Variants in ACKR1 observed in about 807,000 individuals in gnomAD.
ACKR1 encodes atypical chemokine receptor 1 (Duffy blood group).
In ACKR1, 3 loss-of-function variants were observed where a neutral mutation model predicts 2.5. The ratio of observed to expected loss-of-function variants is 1.18; its 90% CI spans 0.54 to 3.06. The LOEUF (loss-of-function observed/expected upper bound fraction) is 3.06. Ranked by LOEUF, ACKR1 falls within the 30% of genes most tolerant of loss-of-function variation. The pLI is 0.03. For missense variants in ACKR1, 438 were observed against 395.2 expected (o/e 1.11, Z -0.92); for synonymous variants, 208 against 178.2 (o/e 1.17, Z -1.33).
Position 159,205,865 on chromosome 1 carries a change from C to A in ACKR1, c.426C>A (p.Ala142=), listed in dbSNP as rs772038669. 20 of 1,613,932 alleles carry A rather than the reference C, an allele frequency of 1.2e-5. No individual in the cohort carries two copies. Among genetic ancestry groups the A allele is most frequent in the Non-Finnish European group, 1.7e-5 (20 of 1,180,004 alleles). Residue 142 remains alanine (A), a synonymous_variant, in exon 2 of 2, where the codon GCC becomes GCA. Transcript: ENST00000368122. ...GYCVWYGSAF[A]QALLLGCHAS... ...GTGTCTGGTATGGCTCAGCCTTTGC[C>A]CAGGCTTTGCTGCTAGGGTGCCATG...
At chr1:159,205,171 C>A in intron 1 of ACKR1, 191 bp downstream of exon 1, 1 of 731,528 alleles carries the variant, frequency 1.4e-6, no homozygotes, top group Non-Finnish European at 2.2e-6. Context: ...TCTTGTGTCC[C>A]TCCCTTTGCC....
chr1:159,205,154 A>G, intron 1 of ACKR1, 174 bp downstream of exon 1: 1 of 782,986 alleles, frequency 1.3e-6, no homozygotes, highest in Non-Finnish European at 2.0e-6. Flanking sequence ...CTAGCCTCCT[A>G]GCTCCCTCTT....
chr1:159,205,103 T>C, intron 1 of ACKR1, 123 bp downstream of exon 1: 2 of 1,203,872 alleles, frequency 1.7e-6, no homozygotes, highest in South Asian at 1.5e-5. Flanking sequence ...CCTGCTTTTT[T>C]CCTCTTCCTT....
At chr1:159,205,162 C>T in intron 1 of ACKR1, 182 bp downstream of exon 1, 2 of 753,684 alleles carry the variant, frequency 2.7e-6, no homozygotes, top group Non-Finnish European at 4.3e-6. Context: ...CTAGCTCCCT[C>T]TTGTGTCCCT....
chr1:159,205,381 C>T, intron 1 of ACKR1, 80 bp from the exon 2 acceptor site: 1 of 1,534,932 alleles, frequency 6.5e-7, no homozygotes, highest in Non-Finnish European at 8.8e-7. Flanking sequence ...CCTCTCTGTC[C>T]TCCCCTCCCA....
chr1:159,205,595 C>T lies in ACKR1; in HGVS notation c.156C>T (p.His52=), dbSNP rs775399095. 22 of 1,614,140 alleles carry T rather than the reference C, an allele frequency of 1.4e-5. No homozygotes were observed. The highest frequency in any genetic ancestry group is 2.7e-5 in the African/African-American group (2 of 74,948). Residue 52 remains histidine (H), a synonymous_variant, in exon 2 of 2, where the codon CAC becomes CAT. Transcript: ENST00000368122. ...GANLEAAAPC[H]SCNLLDDSAL... ...ACCTGGAAGCAGCTGCCCCCTGCCA[C>T]TCCTGTAACCTGCTGGATGACTCTG...
At position 159,206,273 on chromosome 1, in the gene ACKR1, C is replaced by T. The variant is rs1203103206; in HGVS notation, c.834C>T (p.Ala278=). 1 of 1,614,074 alleles carries T rather than the reference C, an allele frequency of 6.2e-7. No individual in the cohort carries two copies. The highest frequency in any genetic ancestry group is 8.5e-7 in the Non-Finnish European group (1 of 1,180,052). ...TGTTGCTGTTGTCAACATGTCTGGCCCAGCAGGCTCTGGACCTGCTGCTGA... is the reference window on the plus strand; with the variant it reads ...TGTTGCTGTTGTCAACATGTCTGGCTCAGCAGGCTCTGGACCTGCTGCTGA... ...SKLLLLSTCL[A]QQALDLLLNL... Residue 278 remains alanine, a synonymous_variant, in exon 2 of 2, where the codon GCC becomes GCT. Transcript: ENST00000368122.
Position 159,206,181 on chromosome 1 carries a change from G to T in ACKR1, c.742G>T (p.Ala248Ser). ...GPGPWMNILW[A>S]WFIFWWPHGV... ...AGGCCCCTGGATGAATATCCTGTGG[G>T]CCTGGTTTATTTTCTGGTGGCCTCA... The change falls in exon 2 of 2, where the codon GCC becomes TCC. Residue 248 changes from alanine to serine, a missense_variant. Coordinates refer to ENST00000368122, the MANE Select transcript of ACKR1 (RefSeq NM_002036.4). The T allele has an allele frequency of 6.2e-7, 1 of 1,614,230 alleles. No individual in the cohort carries two copies. The highest frequency in any genetic ancestry group is 8.5e-7 in the Non-Finnish European group (1 of 1,180,042).
In ACKR1 at chr1:159,204,920, T is replaced by A; in HGVS notation, c.-40T>A. Reference sequence around the variant, plus strand: ...TTGGAAGCACAGGCGCTGACAGCCGTCCCAGCCCTTCTGTCTGCGGGCCTG... The same window carrying A: ...TTGGAAGCACAGGCGCTGACAGCCGACCCAGCCCTTCTGTCTGCGGGCCTG... On this transcript the variant is annotated 5_prime_UTR_variant, in exon 1 of 2. Transcript: ENST00000368122. 6.2e-7 allele frequency: 1 copy of A among 1,613,946 alleles called. No individual in the cohort carries two copies. The highest frequency in any genetic ancestry group is 8.5e-7 in the Non-Finnish European group (1 of 1,179,858).
rs1650434975 is a variant in ACKR1, at chr1:159,205,983, C to T, written c.544C>T (p.Leu182=). The change falls in exon 2 of 2, where the codon CTG becomes TTG. Residue 182 remains leucine, a synonymous_variant. Transcript: ENST00000368122. Reference sequence around the variant, plus strand: ...TTGGGGAGTGGCTGCCCTACTGACACTGCCTGTCACCCTGGCCAGTGGTGC... The same window carrying T: ...TTGGGGAGTGGCTGCCCTACTGACATTGCCTGTCACCCTGGCCAGTGGTGC... The part of the protein sequence containing the change: ...GIWGVAALLT[L]PVTLASGASG... 6.2e-7 allele frequency: 1 copy of T among 1,614,182 alleles called. No individual in the cohort carries two copies. Among genetic ancestry groups the T allele is most frequent in the Non-Finnish European group, 8.5e-7 (1 of 1,180,012 alleles).
In ACKR1 at chr1:159,205,572, C is replaced by G. The variant is rs768759913; in HGVS notation, c.133C>G (p.Leu45Val). ...SFPDGDYGAN[L>V]EAAAPCHSCN... is the part of the protein sequence containing the mutation. ...CCCAGATGGAGACTATGGTGCCAACCTGGAAGCAGCTGCCCCCTGCCACTC... is the reference window on the plus strand; with the variant it reads ...CCCAGATGGAGACTATGGTGCCAACGTGGAAGCAGCTGCCCCCTGCCACTC... The change falls in exon 2 of 2, where the codon CTG becomes GTG. Residue 45 changes from leucine (L) to valine (V), a missense_variant. Physicochemically the swap from Leu to Val is conservative, Grantham distance 32. Coordinates refer to ENST00000368122, the MANE Select transcript of ACKR1 (RefSeq NM_002036.4). The G allele has an allele frequency of 1.9e-6, 3 of 1,614,126 alleles. No individual in the cohort carries two copies. The highest frequency in any genetic ancestry group is 2.2e-5 in the South Asian group (2 of 91,094).
In ACKR1 at chr1:159,206,382, C is replaced by T. The variant is rs1334563994; in HGVS notation, c.943C>T (p.Leu315Phe). 3 of 1,614,272 alleles carry T rather than the reference C, an allele frequency of 1.9e-6. No homozygotes were observed. Among genetic ancestry groups the T allele is most frequent in the East Asian group, 2.2e-5 (1 of 44,890 alleles). Residue 315 changes from leucine to phenylalanine, a missense_variant, in exon 2 of 2, where the codon CTC (leucine) becomes TTC (phenylalanine). Physicochemically the swap from Leu to Phe is conservative, Grantham distance 22. Coordinates refer to ENST00000368122, the MANE Select transcript of ACKR1 (RefSeq NM_002036.4). ...ATTCTGCCACCAGGCCACCCGCACC[C>T]TCTTGCCCTCTCTGCCCCTCCCTGA... is the stretch of plus-strand genomic sequence containing the variant. Reference protein sequence around the residue: ...ALFCHQATRTLLPSLPLPEGW... With the variant: ...ALFCHQATRTFLPSLPLPEGW...
At chr1:159,205,285 G>A (rs933287310) in intron 1 of ACKR1, 176 bp from the exon 2 acceptor site, 12 of 816,196 alleles carry the variant, frequency 1.5e-5, no homozygotes, top group African/African-American at 5.2e-5. Flanking sequence ...TTCCTGCTCC[G>A]GCTCTTCAGG....
chr1:159,205,910 G>T lies in ACKR1; in HGVS notation c.471G>T (p.Leu157=). 1 of 1,614,046 alleles carries T rather than the reference G, an allele frequency of 6.2e-7. No homozygotes were observed. Among genetic ancestry groups the T allele is most frequent in the Non-Finnish European group, 8.5e-7 (1 of 1,180,000 alleles). The change falls in exon 2 of 2, where the codon CTG becomes CTT. Residue 157 remains leucine (L), a synonymous_variant. Transcript: ENST00000368122. ...GCCATGCCTCCCTGGGCCACAGACT[G>T]GGTGCAGGCCAGGTCCCAGGCCTCA... The part of the protein sequence containing the change: ...LGCHASLGHR[L]GAGQVPGLTL...
chr1:159,206,141 A>G lies in ACKR1; in HGVS notation c.702A>G (p.Ala234=), dbSNP rs959279018. The G allele has an allele frequency of 1.2e-6, 2 of 1,614,184 alleles. No individual in the cohort carries two copies. Among genetic ancestry groups the G allele is most frequent in the Non-Finnish European group, 1.7e-6 (2 of 1,180,028 alleles). The change falls in exon 2 of 2, where the codon GCA becomes GCG. Residue 234 remains alanine, a synonymous_variant. Coordinates refer to ENST00000368122, the MANE Select transcript of ACKR1 (RefSeq NM_002036.4). The part of the protein sequence containing the change: ...GLFGAKGLKK[A]LGMGPGPWMN... ...TTGGAGCCAAGGGGCTGAAGAAGGC[A>G]TTGGGTATGGGGCCAGGCCCCTGGA...
At position 159,205,877 on chromosome 1, in the gene ACKR1, G is replaced by C; in HGVS notation, c.438G>C (p.Leu146=). 6.2e-7 allele frequency: 1 copy of C among 1,614,044 alleles called. No individual in the cohort carries two copies. Among genetic ancestry groups the C allele is most frequent in the South Asian group, 1.1e-5 (1 of 91,076 alleles). ...WYGSAFAQAL[L]LGCHASLGHR... ...GCTCAGCCTTTGCCCAGGCTTTGCT[G>C]CTAGGGTGCCATGCCTCCCTGGGCC... is the stretch of plus-strand genomic sequence containing the variant. Residue 146 remains leucine (L), a synonymous_variant, in exon 2 of 2, where the codon CTG becomes CTC. Transcript: ENST00000368122.
In ACKR1 at chr1:159,205,809, C is replaced by T. The variant is rs755522992; in HGVS notation, c.370C>T (p.Arg124Cys). 11 of 1,613,834 alleles carry T rather than the reference C, an allele frequency of 6.8e-6. No individual in the cohort carries two copies. The highest frequency in any genetic ancestry group is 4.5e-5 in the East Asian group (2 of 44,890). Reference sequence around the variant, plus strand: ...CTTGGCCCCAGGGCTAGGTAGCACTCGCAGCTCTGCCCTGTGTAGCCTGGG... The same window carrying T: ...CTTGGCCCCAGGGCTAGGTAGCACTTGCAGCTCTGCCCTGTGTAGCCTGGG... ...PVLAPGLGST[R>C]SSALCSLGYC... is the part of the protein sequence containing the mutation. Residue 124 changes from arginine to cysteine, a missense_variant, in exon 2 of 2, where the codon CGC (arginine) becomes TGC (cysteine). Physicochemically the swap from Arg to Cys is radical, Grantham distance 180 (BLOSUM62 -3). Coordinates refer to ENST00000368122, the MANE Select transcript of ACKR1 (RefSeq NM_002036.4).
intron 1 of ACKR1, 26 bp downstream of exon 1, chr1:159,205,006 T>TC (rs776650798): frequency 2.5e-6 from 4 of 1,610,520 alleles, no homozygotes; most frequent in Non-Finnish European, 3.4e-6. Context: ...GGCCCCAGAG[T>TC]CCCTTATCCC....
intron 1 of ACKR1, 92 bp downstream of exon 1, chr1:159,205,072 C>T (rs1444974899): frequency 2.1e-6 from 3 of 1,430,706 alleles, no homozygotes; most frequent in Non-Finnish European, 2.9e-6. Context: ...TCTTCCTTTT[C>T]CTCCTCATCT....
Sources: allele counts gnomAD v4.1 joint callset, GRCh38; gene constraint gnomAD v4.1.1; transcripts MANE v1.5; gene names NCBI Gene and HGNC (gene_info 2026-07-23, HGNC 2026-07-21).